PIBF1: variants seen among roughly 807,000 people sequenced by gnomAD.
PIBF1 encodes the protein progesterone immunomodulatory binding factor 1.
In PIBF1, 90 loss-of-function variants were observed where a neutral mutation model predicts 112.5. The ratio of observed to expected loss-of-function variants is 0.80; its 90% CI spans 0.67 to 0.95. The LOEUF (loss-of-function observed/expected upper bound fraction) is 0.95, where lower values mean the gene tolerates loss of function less well. Among genes scored for constraint, PIBF1 ranks in the 40% least tolerant of loss-of-function variants. The pLI is 0.00. For synonymous variants in PIBF1, 301 were observed against 288.6 expected (o/e 1.04, Z -0.44); for missense variants, 915 against 852.3 (o/e 1.07, Z -0.92).
chr13:72,795,662 T>C, intron 4 of PIBF1, 105 bp downstream of exon 4: 1 of 702,552 alleles, frequency 1.4e-6, no homozygotes, highest in East Asian at 2.8e-5. Flanking sequence ...GATACATTAT[T>C]TTATGGCTAT....
At position 72,948,860 on chromosome 13, in the gene PIBF1, C is replaced by T. The variant is rs146510929; in HGVS notation, c.1834-16414C>T. ...CAGATTTTGTGAGAACTCACTGTCA[C>T]GAGAACAGCATGAGCGTAACCACGC... On this transcript the variant is annotated intron_variant, in intron 14 of 17. Coordinates refer to ENST00000326291, the MANE Select transcript of PIBF1 (RefSeq NM_006346.4). Among the ~76,000 whole-genome samples the T allele has an allele frequency of 1.8e-4, 28 of 152,280 alleles. 1 individual carries two copies. The highest frequency in any genetic ancestry group is 5.8e-4 in the African/African-American group (24 of 41,556).
intron 10 of PIBF1, among the ~76,000 whole-genome samples, chr13:72,874,689 C>G (rs1190596734): frequency 1.3e-5 from 2 of 152,110 alleles, no homozygotes; most frequent in African/African-American, 2.4e-5. Flanking sequence ...AACTTATGAA[C>G]TTGCACACTT....
At chr13:72,892,150 A>G (rs534038696) in intron 10 of PIBF1, among the ~76,000 whole-genome samples, 4 of 152,270 alleles carry the variant, frequency 2.6e-5, no homozygotes, top group African/African-American at 9.6e-5. Flanking sequence ...GTGTATGTTA[A>G]AAGAGTGAAT....
chr13:72,854,959 A>C (rs1422384905), intron 10 of PIBF1, among the ~76,000 whole-genome samples: 1 of 152,188 alleles, frequency 6.6e-6, no homozygotes, highest in African/African-American at 2.4e-5. Flanking sequence ...ACTGATGGGC[A>C]TTATGGTAAA....
intron 8 of PIBF1, among the ~76,000 whole-genome samples, chr13:72,829,871 G>C (rs1037776456): frequency 6.6e-6 from 1 of 152,140 alleles, no homozygotes; most frequent in Non-Finnish European, 1.5e-5. Flanking sequence ...ACTTTGGGCA[G>C]TATGGCCATT....
chr13:72,876,134 CT>C (rs386363749), intron 10 of PIBF1, among the ~76,000 whole-genome samples: 58 of 91,236 alleles, frequency 6.4e-4, no homozygotes, highest in Admixed American at 3.3e-3. Flanking sequence ...TGTTCAGATT[CT>C]TTTTTTTTTT....
chr13:72,916,571 AAAGTAAGGCCATC>A (rs1295230779), intron 12 of PIBF1, among the ~76,000 whole-genome samples: 3 of 151,988 alleles, frequency 2.0e-5, no homozygotes, highest in Non-Finnish European at 2.9e-5. Flanking sequence ...ACATTTAAAA[AAAGTAAGGCCATC>A]AATACATGCT....
chr13:72,985,170 GAC>G (rs1006640867), intron 16 of PIBF1, among the ~76,000 whole-genome samples: 1 of 151,770 alleles, frequency 6.6e-6, no homozygotes, highest in African/African-American at 2.4e-5. Context: ...GACATAAGGA[GAC>G]ACACACACAA....
intron 17 of PIBF1, among the ~76,000 whole-genome samples, chr13:73,008,676 A>C (rs2044110751): frequency 6.6e-6 from 1 of 152,220 alleles, no homozygotes; most frequent in Non-Finnish European, 1.5e-5. Flanking sequence ...AAAACATGAC[A>C]AATGCTATGG....
chr13:72,948,235 G>T (rs978786611), intron 14 of PIBF1, among the ~76,000 whole-genome samples: 2 of 151,858 alleles, frequency 1.3e-5, no homozygotes, highest in African/African-American at 2.4e-5. Context: ...TTAAAAAAAA[G>T]AAAAAGAAAT....
chr13:72,857,429 C>CA (rs1566366131), intron 10 of PIBF1, among the ~76,000 whole-genome samples: 1 of 152,150 alleles, frequency 6.6e-6, no homozygotes, highest in Non-Finnish European at 1.5e-5. Context: ...TAAGGAAAGT[C>CA]AAAAAACAAA....
At chr13:72,916,392 C>CAAAA (rs1467324826) in intron 12 of PIBF1, among the ~76,000 whole-genome samples, 2 of 103,588 alleles carry the variant, frequency 1.9e-5, no homozygotes, top group African/African-American at 8.4e-5. Flanking sequence ...AACTCCATCT[C>CAAAA]AAAAAATATA....
chr13:72,801,389 T>G (rs936703041), intron 5 of PIBF1, among the ~76,000 whole-genome samples: 6 of 152,132 alleles, frequency 3.9e-5, no homozygotes, highest in South Asian at 4.1e-4. Flanking sequence ...GAAAAAGTTA[T>G]GTAATGAATG....
intron 10 of PIBF1, among the ~76,000 whole-genome samples, chr13:72,879,456 C>T (rs1016452964): frequency 6.6e-6 from 1 of 151,952 alleles, no homozygotes; most frequent in Admixed American, 6.6e-5. Context: ...TGAAATAAAC[C>T]CTTGTTGGAT....
At chr13:72,881,619 G>A (rs1182100176) in intron 10 of PIBF1, among the ~76,000 whole-genome samples, 4 of 151,794 alleles carry the variant, frequency 2.6e-5, no homozygotes, top group Non-Finnish European at 5.9e-5. Flanking sequence ...GGGAGGCTGA[G>A]GCAGGAGAGT....
intron 10 of PIBF1, among the ~76,000 whole-genome samples, chr13:72,875,419 A>G (rs1233689291): frequency 6.6e-6 from 1 of 152,168 alleles, no homozygotes; most frequent in African/African-American, 2.4e-5. Flanking sequence ...CAAATATGCA[A>G]AGAGTGTGAT....
In PIBF1 at chr13:72,991,221, T is replaced by G. The variant is rs915927737; in HGVS notation, c.2050-7601T>G. On this transcript the variant is annotated intron_variant, in intron 16 of 17. Coordinates refer to ENST00000326291, the MANE Select transcript of PIBF1 (RefSeq NM_006346.4). ...AATAGTTAATATTAAATGGCCAAGATGCATGCTTTTGGATTCAAAAGAACA... is the reference window on the plus strand; with the variant it reads ...AATAGTTAATATTAAATGGCCAAGAGGCATGCTTTTGGATTCAAAAGAACA... Among the ~76,000 whole-genome samples, 3 of 152,360 alleles carry G rather than the reference T, an allele frequency of 2.0e-5. No individual in the cohort carries two copies. In the East Asian group the frequency reaches 5.8e-4, roughly 29 times the overall value.
chr13:72,870,902 T>C (rs1481552180), intron 10 of PIBF1, among the ~76,000 whole-genome samples: 1 of 151,918 alleles, frequency 6.6e-6, no homozygotes, highest in African/African-American at 2.4e-5. Context: ...GGATAGACAG[T>C]TTCATTTTTT....
At chr13:72,927,974 T>TACACAC (rs1214148060) in intron 13 of PIBF1, among the ~76,000 whole-genome samples, 1 of 93,530 alleles carries the variant, frequency 1.1e-5, no homozygotes, top group Non-Finnish European at 2.4e-5. Flanking sequence ...TATATATATA[T>TACACAC]ATACATATAT....
Sources: allele counts gnomAD v4.1 joint callset (sites outside exome capture counted in the v4.1 genomes callset), GRCh38; gene constraint gnomAD v4.1.1; transcripts MANE v1.5; gene names NCBI Gene and HGNC (gene_info 2026-07-23, HGNC 2026-07-21).